The following FAM98B variants were observed in gnomAD, a reference collection of about 807,000 sequenced individuals.
FAM98B encodes the protein tRNA-splicing ligase complex subunit FAM98B.
In FAM98B, 32 loss-of-function variants were observed where a neutral mutation model predicts 43.9. The observed-to-expected ratio is 0.73, with a 90% confidence interval of 0.55 to 0.98. The LOEUF is 0.98. Ranked by LOEUF, FAM98B falls within the 50% of genes least tolerant of loss-of-function variation. The pLI is 0.00. For synonymous variants in FAM98B, 190 were observed against 174.0 expected (o/e 1.09, Z -0.72); for missense variants, 514 against 522.9 (o/e 0.98, Z 0.17).
At chr15:38,459,446 G>A (rs1206688022) in intron 1 of FAM98B, 6 of 356,162 alleles carry the variant, frequency 1.7e-5, no homozygotes, top group Admixed American at 3.5e-5. Context: ...TTATATCCAC[G>A]AGGCTTCTTA....
At position 38,459,296 on chromosome 15, in the gene FAM98B, C is replaced by T. The variant is rs113408708; in HGVS notation, c.72-4736C>T. ...TTGGGGCAGACACGTCCCTGGGATC[C>T]GATAAAACTGGTACTGGAGACACTG... On this transcript the variant is annotated intron_variant, in intron 1 of 7. Transcript: ENST00000397609. 2,079 of 497,184 alleles carry T rather than the reference C, an allele frequency of 4.2e-3. 24 individuals are homozygous for T. Among genetic ancestry groups the T allele is most frequent in the African/African-American group, 0.027 (1,393 of 51,398 alleles). 30.8% of individuals were successfully genotyped at this position (497,184 alleles called of 1,614,324 possible).
At chr15:38,478,356 T>G (rs2141060891) in intron 6 of FAM98B, among the ~76,000 whole-genome samples, 2 of 152,314 alleles carry the variant, frequency 1.3e-5, no homozygotes, top group South Asian at 4.1e-4. Context: ...TTCCTTAGAC[T>G]ATGCATGGAT....
chr15:38,479,767 A>G (rs1159924323), intron 6 of FAM98B, among the ~76,000 whole-genome samples: 1 of 152,150 alleles, frequency 6.6e-6, no homozygotes, highest in Non-Finnish European at 1.5e-5. Flanking sequence ...TTACTGTGTC[A>G]AAGGTTTTGT....
chr15:38,481,450 C>T lies in FAM98B; in HGVS notation c.888C>T (p.Ala296=). Residue 296 remains alanine (A), a synonymous_variant, in exon 7 of 8, where the codon GCC becomes GCT. Coordinates refer to ENST00000397609, the MANE Select transcript of FAM98B (RefSeq NM_173611.4). ...SGTSREKTAC[A]INKVLMGRVP... ...CCAGCCGGGAGAAGACCGCATGTGC[C>T]ATTAATAAGGTTGGTGTTTCTTTCA... The T allele has an allele frequency of 6.2e-7, 1 of 1,614,112 alleles. No homozygotes were observed.
Position 38,484,830 on chromosome 15 carries a change from G to A in FAM98B, c.*171G>A. The stretch of plus-strand genomic sequence containing the variant: ...AGAACATTGTTTTTTATTACCAGTT[G>A]ATCTCTCAAATGAAGTGATGACTTT... On this transcript the variant is annotated 3_prime_UTR_variant, in exon 8 of 8. Coordinates refer to ENST00000397609, the MANE Select transcript of FAM98B (RefSeq NM_173611.4). The A allele has an allele frequency of 9.7e-7, 1 of 1,034,336 alleles. No individual in the cohort carries two copies. Among genetic ancestry groups the A allele is most frequent in the South Asian group, 2.5e-5 (1 of 40,512 alleles). 64.1% of individuals were successfully genotyped at this position (1,034,336 alleles called of 1,614,324 possible). A position where few individuals can be genotyped will look rare whatever the true frequency, so the allele number is the denominator to read the frequency against.
intron 4 of FAM98B, among the ~76,000 whole-genome samples, chr15:38,471,963 T>C (rs1890136531): frequency 3.3e-5 from 5 of 152,290 alleles, no homozygotes; most frequent in Admixed American, 3.3e-4. Context: ...CCCGTGGTTA[T>C]GGGTAATACA....
chr15:38,476,568 T>C (rs532879133), intron 6 of FAM98B, among the ~76,000 whole-genome samples: 1 of 152,222 alleles, frequency 6.6e-6, no homozygotes, highest in South Asian at 2.1e-4. Flanking sequence ...AGAAATGTTT[T>C]TAACTATTTT....
chr15:38,478,047 G>A (rs1394908815), intron 6 of FAM98B, among the ~76,000 whole-genome samples: 1 of 152,194 alleles, frequency 6.6e-6, no homozygotes, highest in African/African-American at 2.4e-5. Flanking sequence ...GGCAAATTGT[G>A]AAGGGTATTT....
Position 38,485,168 on chromosome 15 carries a change from G to A in FAM98B, c.*509G>A, listed in dbSNP as rs574912539. ...TTCCAGTTGTATTTAGTAGGCAGTT[G>A]TTGTGAATCATTTTTTTCTCTTATA... On this transcript the variant is annotated 3_prime_UTR_variant, in exon 8 of 8. Transcript: ENST00000397609. The A allele has an allele frequency of 6.6e-6, 1 of 152,136 alleles. No homozygotes were observed. The highest frequency in any genetic ancestry group is 1.5e-5 in the Non-Finnish European group (1 of 68,028). 9.4% of individuals were successfully genotyped at this position (152,136 alleles called of 1,614,324 possible).
At chr15:38,484,208 AC>A (rs1890328731) in intron 7 of FAM98B, 46 bp from the exon 8 acceptor site, 1 of 1,524,894 alleles carries the variant, frequency 6.6e-7, no homozygotes. Context: ...TTTTATGTAA[AC>A]TTTTTTGAAA....
Position 38,474,307 on chromosome 15 carries a change from GT to G in FAM98B, c.729+13del. 2 of 1,588,478 alleles carry G rather than the reference GT, an allele frequency of 1.3e-6. No homozygotes were observed. The highest frequency in any genetic ancestry group is 1.7e-6 in the Non-Finnish European group (2 of 1,158,382). ...GGTCTGATAGAGCAAAGGTAAGGCTGTTTTCCCATATGTGTCCTGTAGGTGG... is the reference window on the plus strand; with the variant it reads ...GGTCTGATAGAGCAAAGGTAAGGCTGTTTCCCATATGTGTCCTGTAGGTGG... On this transcript the variant is annotated intron_variant, in intron 6 of 7. Coordinates refer to ENST00000397609, the MANE Select transcript of FAM98B (RefSeq NM_173611.4).
intron 4 of FAM98B, among the ~76,000 whole-genome samples, chr15:38,471,664 C>T (rs1231699175): frequency 1.3e-5 from 2 of 152,062 alleles, no homozygotes; most frequent in African/African-American, 2.4e-5. Flanking sequence ...CTACTCTATT[C>T]AGTTTTTAAC....
At chr15:38,481,256 CT>C in intron 6 of FAM98B, 35 bp from the exon 7 acceptor site, 1 of 1,544,196 alleles carries the variant, frequency 6.5e-7, no homozygotes, top group Non-Finnish European at 8.9e-7. Context: ...TTAAAATGTA[CT>C]TTTGTTCCTT....
intron 1 of FAM98B, chr15:38,459,599 T>C (rs1446692607): frequency 4.7e-6 from 1 of 213,798 alleles, no homozygotes; most frequent in Non-Finnish European, 9.4e-6. Flanking sequence ...TGGTCTGGGC[T>C]GGGCTGGGGG....
chr15:38,467,290 G>A (rs1020299366), intron 3 of FAM98B, among the ~76,000 whole-genome samples: 1 of 152,086 alleles, frequency 6.6e-6, no homozygotes, highest in African/African-American at 2.4e-5. Context: ...TTTGCAACAT[G>A]TATAAAATTA....
intron 6 of FAM98B, among the ~76,000 whole-genome samples, chr15:38,478,397 A>G (rs1040970860): frequency 2.0e-5 from 3 of 151,984 alleles, no homozygotes; most frequent in Admixed American, 6.6e-5. Flanking sequence ...GTCTTTTTCA[A>G]TTGATTATAT....
rs761365550 is a variant in FAM98B, at chr15:38,473,521, C to T, written c.548C>T (p.Ser183Leu). Residue 183 changes from serine (S) to leucine (L), a missense_variant, in exon 5 of 8, where the codon TCA becomes TTA. Ser to Leu is a moderately radical substitution (Grantham distance 145, BLOSUM62 -2). Transcript: ENST00000397609. ...QVESKVKDIL[S>L]KVQKNHVGKP... ...TACTTTTAGGTGAAAGATATTCTCT[C>T]AAAGGTCCAGAAAAATCATGTGGGA... is the stretch of plus-strand genomic sequence containing the variant. 5.0e-6 allele frequency: 8 copies of T among 1,607,580 alleles called. No homozygotes were observed. The highest frequency in any genetic ancestry group is 3.4e-6 in the Non-Finnish European group (4 of 1,177,340).
At chr15:38,478,196 T>G (rs62002950) in intron 6 of FAM98B, among the ~76,000 whole-genome samples, 1 of 152,226 alleles carries the variant, frequency 6.6e-6, no homozygotes, top group Non-Finnish European at 1.5e-5. Context: ...ACCCCTGAAC[T>G]GGACTTAAAT....
intron 3 of FAM98B, among the ~76,000 whole-genome samples, chr15:38,469,039 G>A (rs1474967711): frequency 1.3e-5 from 2 of 152,182 alleles, no homozygotes; most frequent in Admixed American, 6.5e-5. Context: ...CCTAGTAGCT[G>A]GGACTACAGG....
Sources: gnomAD v4.1 joint callset for allele counts (sites outside exome capture counted in the v4.1 genomes callset) on GRCh38, gnomAD v4.1.1 for gene constraint, MANE v1.5 for transcripts, NCBI Gene and HGNC (gene_info 2026-07-23, HGNC 2026-07-21) for gene names.